The following UNC79 variants were observed in gnomAD, a reference collection of about 807,000 sequenced individuals.
UNC79 encodes protein unc-79 homolog.
A neutral mutation model predicts 283.1 loss-of-function variants in UNC79; 37 were observed. The observed-to-expected ratio is 0.13, with a 90% confidence interval of 0.10 to 0.17. The LOEUF is 0.17. Among genes scored for constraint, UNC79 ranks in the 10% least tolerant of loss-of-function variants. The pLI is 1.00. For missense variants in UNC79, 2,272 were observed against 3,211.1 expected (o/e 0.71, Z 7.07); for synonymous variants, 1,107 against 1,200.2 (o/e 0.92, Z 1.61).
intron 1 of UNC79, among the ~76,000 whole-genome samples, chr14:93,362,937 G>T (rs2054255673): frequency 6.6e-6 from 1 of 151,600 alleles, no homozygotes; most frequent in Admixed American, 6.6e-5. Flanking sequence ...TAAACTTTTG[G>T]TTTTTATGGC....
intron 14 of UNC79, among the ~76,000 whole-genome samples, chr14:93,550,583 A>T (rs72691083): frequency 0.034 from 5,189 of 151,432 alleles, 185 homozygotes; most frequent in Admixed American, 0.11. Flanking sequence ...CATTTACTAC[A>T]TTTTACAAAA....
intron 18 of UNC79, among the ~76,000 whole-genome samples, chr14:93,579,089 T>C (rs1376673466): frequency 6.6e-6 from 1 of 152,226 alleles, no homozygotes; most frequent in Non-Finnish European, 1.5e-5. Flanking sequence ...GTTTGCCTGA[T>C]GCTTCCTTAT....
At chr14:93,565,144 C>G (rs761118968) in intron 14 of UNC79, among the ~76,000 whole-genome samples, 3 of 152,166 alleles carry the variant, frequency 2.0e-5, no homozygotes, top group Admixed American at 2.0e-4. Flanking sequence ...TCCCCTAGTG[C>G]GCAAGTCCCT....
chr14:93,481,593 A>C (rs896746167), intron 4 of UNC79, among the ~76,000 whole-genome samples: 5 of 152,122 alleles, frequency 3.3e-5, no homozygotes, highest in Admixed American at 2.6e-4. Flanking sequence ...AATTTTCTCA[A>C]AAAGTCACTT....
chr14:93,570,625 T>A (rs892595275), intron 14 of UNC79, among the ~76,000 whole-genome samples: 1 of 152,196 alleles, frequency 6.6e-6, no homozygotes, highest in African/African-American at 2.4e-5. Flanking sequence ...TTTCTGTTAT[T>A]TAATTTTATT....
At chr14:93,333,363 G>T (rs2053498374) in exon 1 of UNC79, 1 of 398,636 alleles carries the variant, frequency 2.5e-6, no homozygotes, top group Non-Finnish European at 4.4e-6. Flanking sequence ...TCACCAGATG[G>T]CCATTTCCAC....
intron 42 of UNC79, among the ~76,000 whole-genome samples, 180 bp downstream of exon 45, chr14:93,682,874 G>A (rs929968158): frequency 6.6e-6 from 1 of 152,128 alleles, no homozygotes; most frequent in African/African-American, 2.4e-5. Flanking sequence ...GGATATAACA[G>A]GGTTTAACAT....
At chr14:93,509,005 C>T (rs1468571594) in intron 7 of UNC79, among the ~76,000 whole-genome samples, 2 of 152,160 alleles carry the variant, frequency 1.3e-5, no homozygotes, top group African/African-American at 2.4e-5. Flanking sequence ...GCTTAATTGG[C>T]TCATGGTTCT....
chr14:93,572,638 A>G (rs1435872484), intron 15 of UNC79, 55 bp from the exon 16 acceptor site: 1 of 1,605,328 alleles, frequency 6.2e-7, no homozygotes, highest in African/African-American at 1.3e-5. Flanking sequence ...TGGTGGTATT[A>G]GTAGAACCCA....
chr14:93,697,066 A>G (rs2075186779), intron 47 of UNC79, among the ~76,000 whole-genome samples: 1 of 152,178 alleles, frequency 6.6e-6, no homozygotes, highest in African/African-American at 2.4e-5. Flanking sequence ...TTTGTCAAAA[A>G]TCAAATAACT....
rs1477449772 is a variant in UNC79, at chr14:93,430,960, A to G, written c.-70A>G. 1 of 697,548 alleles carries G rather than the reference A, an allele frequency of 1.4e-6. No individual in the cohort carries two copies. Among genetic ancestry groups the G allele is most frequent in the Non-Finnish European group, 2.6e-6 (1 of 382,202 alleles). The allele number at this position is 697,548 out of a possible 1,614,324, so 43.2% of individuals were successfully genotyped here. On this transcript the variant is annotated 5_prime_UTR_variant, in exon 1 of 49. Transcript: ENST00000555664. The surrounding 1 kb of genome is among the most constrained non-coding windows in gnomAD (Gnocchi z 4.6). Reference sequence around the variant, plus strand: ...GGGTATGCACTCTTTTCCTCGCAACATCGCTGGCGGAGCGAGGGAGCTCAC... The same window carrying G: ...GGGTATGCACTCTTTTCCTCGCAACGTCGCTGGCGGAGCGAGGGAGCTCAC...
At chr14:93,599,101 T>C (rs1263499344) in intron 24 of UNC79, among the ~76,000 whole-genome samples, 1 of 152,256 alleles carries the variant, frequency 6.6e-6, no homozygotes, top group South Asian at 2.1e-4. Flanking sequence ...TTTATTATTT[T>C]GTTGTTATTA....
intron 1 of UNC79, among the ~76,000 whole-genome samples, chr14:93,364,113 T>C (rs2054280511): frequency 2.0e-5 from 3 of 152,190 alleles, no homozygotes; most frequent in African/African-American, 7.2e-5. Context: ...ACCTTTTTAG[T>C]TGAAGTATAA....
chr14:93,498,727 GAAAC>G (rs1329620214), intron 7 of UNC79, among the ~76,000 whole-genome samples: 2 of 151,984 alleles, frequency 1.3e-5, no homozygotes, highest in African/African-American at 4.8e-5. Context: ...AAAATCCTGC[GAAAC>G]AAACAAACAA....
chr14:93,552,514 C>T (rs1476008211), intron 14 of UNC79, among the ~76,000 whole-genome samples: 1 of 152,070 alleles, frequency 6.6e-6, no homozygotes, highest in Non-Finnish European at 1.5e-5. Context: ...TTAAAAAGCT[C>T]AAAAACAACA....
rs1399714312 is a variant in UNC79, at chr14:93,385,581, C to A, written c.-351+52058C>A. Among the ~76,000 whole-genome samples, 3 of 152,066 alleles carry A rather than the reference C, an allele frequency of 2.0e-5. No individual in the cohort carries two copies. The East Asian group carries it at 5.8e-4, about 29-fold the overall frequency. On this transcript the variant is annotated intron_variant, in intron 1 of 49. Transcript: ENST00000256339. ...ATCACTTGAGGCCAGGCATTCGAGA[C>A]CAGCCTGGCCAACATGGTGAAACCT...
In UNC79 at chr14:93,621,886, C is replaced by T. The variant is rs1043745602; in HGVS notation, c.4653C>T (p.Asn1551=). 10 of 1,613,964 alleles carry T rather than the reference C, an allele frequency of 6.2e-6. No homozygotes were observed. In the African/African-American group the frequency reaches 1.2e-4, roughly 19 times the overall value. The change falls in exon 30 of 49, where the codon AAC becomes AAT. Residue 1551 remains asparagine, a synonymous_variant. Coordinates refer to ENST00000555664, the Ensembl canonical transcript of UNC79. The surrounding 1 kb of genome is among the most constrained non-coding windows in gnomAD (Gnocchi z 4.8). ...ACGACCCTGGACGTTCTAGACAGAA[C>T]TCTGCTACGAGGCCTGACAATAGTG...
chr14:93,660,661 C>G, intron 39 of UNC79, among the ~76,000 whole-genome samples: 1 of 150,476 alleles, frequency 6.6e-6, no homozygotes, highest in East Asian at 2.0e-4. Flanking sequence ...GCCAACTTGG[C>G]TCACTGCAGC....
In UNC79 at chr14:93,541,721, A is replaced by T. The variant is rs142320923; in HGVS notation, c.1525-745A>T. On this transcript the variant is annotated intron_variant, in intron 13 of 48. Coordinates refer to ENST00000555664, the Ensembl canonical transcript of UNC79. ...GAATGATGTTTTAAAAAGTCTATTTATGGGCCGGGAGCGGTGGCTCACGCC... is the reference window on the plus strand; with the variant it reads ...GAATGATGTTTTAAAAAGTCTATTTTTGGGCCGGGAGCGGTGGCTCACGCC... Among the ~76,000 whole-genome samples the T allele has an allele frequency of 3.3e-5, 5 of 152,286 alleles. No individual in the cohort carries two copies. In the East Asian group the frequency reaches 9.6e-4, roughly 29 times the overall value.
Sources: gnomAD v4.1 joint callset for allele counts (sites outside exome capture counted in the v4.1 genomes callset) on GRCh38, gnomAD v4.1.1 for gene constraint, Gnocchi (gnomAD v3.1) non-coding constraint, MANE v1.5 for transcripts, NCBI Gene and HGNC (gene_info 2026-07-23, HGNC 2026-07-21) for gene names.